The following ADGRG2 variants were observed in gnomAD, a reference collection of about 807,000 sequenced individuals.
The protein encoded by ADGRG2 is G protein-coupled receptor 64.
A neutral mutation model predicts 74.1 loss-of-function variants in ADGRG2; 26 were observed. That is an observed-to-expected ratio of 0.35 (90% CI 0.26 to 0.49). The LOEUF (loss-of-function observed/expected upper bound fraction) is 0.49, where lower values mean the gene tolerates loss of function less well. ADGRG2 is among the 20% of genes least tolerant of loss of function. The pLI is 0.99. For missense variants in ADGRG2, 619 were observed against 763.1 expected (o/e 0.81, Z 2.22); for synonymous variants, 296 against 295.2 (o/e 1.00, Z -0.03).
intron 1 of ADGRG2, among the ~76,000 whole-genome samples, chrX:19,083,170 ATTTTTTTTTT>A (rs58522004): frequency 4.8e-5 from 4 of 83,160 alleles, no homozygotes; most frequent in Admixed American, 1.4e-4. Flanking sequence ...CACCCGGCTA[ATTTTTTTTTT>A]TTTTTTTTTT....
chrX:19,022,248 G>A (rs1198408394), intron 13 of ADGRG2, among the ~76,000 whole-genome samples: 2 of 76,416 alleles, frequency 2.6e-5, no homozygotes, highest in Non-Finnish European at 4.8e-5. Flanking sequence ...CAGGGCAACA[G>A]AGTGAGACTC....
chrX:18,997,532 T>C (rs776771968), intron 26 of ADGRG2, among the ~76,000 whole-genome samples: 3 of 112,537 alleles, frequency 2.7e-5, no homozygotes, highest in Non-Finnish European at 5.6e-5. Flanking sequence ...AATAAAACTT[T>C]TCTTAAGACC....
chrX:19,044,588 C>T (rs1463434867), intron 3 of ADGRG2, among the ~76,000 whole-genome samples: 3 of 111,321 alleles, frequency 2.7e-5, no homozygotes, highest in Non-Finnish European at 3.8e-5. Context: ...TGCAAGGAAC[C>T]GCCCTTCAAG....
At chrX:19,081,180 A>G (rs976256604) in intron 2 of ADGRG2, among the ~76,000 whole-genome samples, 25 of 111,365 alleles carry the variant, frequency 2.2e-4, no homozygotes, top group Non-Finnish European at 4.5e-4. Flanking sequence ...AAACAAAAAC[A>G]AGGAAGCAGA....
chrX:18,993,516 TA>T (rs780727929), intron 28 of ADGRG2, among the ~76,000 whole-genome samples: 254 of 93,140 alleles, frequency 2.7e-3, no homozygotes, highest in Admixed American at 3.1e-3. Flanking sequence ...GACTGCATCT[TA>T]AAAAAAAAAA....
intron 28 of ADGRG2, among the ~76,000 whole-genome samples, chrX:18,991,871 T>C (rs1472077581): frequency 8.9e-6 from 1 of 112,290 alleles, no homozygotes; most frequent in Non-Finnish European, 1.9e-5. Context: ...ACAATGATCA[T>C]AACAGTACTG....
In ADGRG2 at chrX:19,013,830, G is replaced by A. The variant is rs1250500917; in HGVS notation, c.955C>T (p.Pro319Ser). Residue 319 changes from proline (P) to serine (S), a missense_variant, in exon 16 of 29, where the codon CCC becomes TCC. Physicochemically the swap from Pro to Ser is moderately conservative, Grantham distance 74 (BLOSUM62 -1). Transcript: ENST00000379869. ...PIASSPAIDM[P>S]PQSETISSPM... ...GAAGAGATCGTTTCAGACTGTGGGG[G>A]CATGTCAATGGCAGGGCTGGAAGCT... 2 of 1,205,630 alleles carry A rather than the reference G, an allele frequency of 1.7e-6. No homozygotes were observed. Among genetic ancestry groups the A allele is most frequent in the South Asian group, 3.6e-5 (2 of 55,743 alleles).
At chrX:19,016,686 C>T (rs1654413543) in intron 15 of ADGRG2, among the ~76,000 whole-genome samples, 1 of 63,975 alleles carries the variant, frequency 1.6e-5, no homozygotes, top group Non-Finnish European at 2.7e-5. Context: ...CCAGTGCTAT[C>T]CCTCCCCCCT....
At chrX:19,006,753 A>ATT (rs35276629) in intron 20 of ADGRG2, among the ~76,000 whole-genome samples, 1,203 of 81,676 alleles carry the variant, frequency 0.015, 42 homozygotes, top group African/African-American at 0.057. Context: ...TAGGTGGTCA[A>ATT]TTTTTTTTTT....
At chrX:19,082,028 G>A (rs1042876055) in intron 2 of ADGRG2, among the ~76,000 whole-genome samples, 2 of 96,041 alleles carry the variant, frequency 2.1e-5, no homozygotes, top group African/African-American at 4.1e-5. Flanking sequence ...AGCTGTGACT[G>A]CGCCACTGCG....
At chrX:19,064,885 C>T (rs2061541582) in intron 3 of ADGRG2, among the ~76,000 whole-genome samples, 2 of 111,240 alleles carry the variant, frequency 1.8e-5, no homozygotes, top group Non-Finnish European at 1.9e-5. Flanking sequence ...GTGCCTTTTT[C>T]AAGGGGTTAT....
chrX:18,999,990 A>ATT, intron 24 of ADGRG2, 30 bp from the exon 25 acceptor site: 1 of 754,895 alleles, frequency 1.3e-6, no homozygotes, highest in Non-Finnish European at 2.0e-6. Flanking sequence ...GGTCACACCT[A>ATT]ATTTTTTTTT....
chrX:19,068,763 G>T lies in ADGRG2; in HGVS notation c.72C>A (p.Phe24Leu). ...TEEVLLTFKIFLVIICLHVVL... is the reference protein window; with the variant it reads ...TEEVLLTFKILLVIICLHVVL... ...CGACATGAAGACAAATGATGACAAG[G>T]AATATCTTGAACGTCAGTAAAACTT... The change falls in exon 3 of 29, where the codon TTC (phenylalanine) becomes TTA (leucine). Residue 24 changes from phenylalanine (F) to leucine (L), a missense_variant. Phe to Leu is a conservative substitution (Grantham distance 22). Transcript: ENST00000379869. 1 of 1,152,614 alleles carries T rather than the reference G, an allele frequency of 8.7e-7. No homozygotes were observed. The highest frequency in any genetic ancestry group is 1.2e-6 in the Non-Finnish European group (1 of 846,290). The allele number at this position is 1,152,614 out of a possible 1,213,427, so 95.0% of individuals were successfully genotyped here.
chrX:19,019,110 G>T (rs148629581), intron 15 of ADGRG2, among the ~76,000 whole-genome samples: 2,225 of 112,306 alleles, frequency 0.02, 63 homozygotes, highest in African/African-American at 0.068. Context: ...CTCCCAAAGT[G>T]CTGGGATTAC....
chrX:18,992,126 A>G (rs747736718), intron 28 of ADGRG2, among the ~76,000 whole-genome samples: 2 of 111,868 alleles, frequency 1.8e-5, no homozygotes, highest in Admixed American at 1.9e-4. Flanking sequence ...TGTAATATTC[A>G]TGCAAACTAG....
At chrX:19,003,214 G>T in intron 23 of ADGRG2, 100 bp from the exon 24 acceptor site, 1 of 585,463 alleles carries the variant, frequency 1.7e-6, no homozygotes. Context: ...ACCCAGGCTG[G>T]AGTGCAGTAG....
intron 2 of ADGRG2, among the ~76,000 whole-genome samples, chrX:19,079,987 C>T (rs981139799): frequency 2.8e-5 from 3 of 107,567 alleles, no homozygotes; most frequent in African/African-American, 1.0e-4. Context: ...CTCGGCTCAC[C>T]GCAACCTCCA....
intron 1 of ADGRG2, among the ~76,000 whole-genome samples, chrX:19,105,735 A>C (rs1361457738): frequency 1.8e-5 from 2 of 110,100 alleles, no homozygotes; most frequent in Non-Finnish European, 3.8e-5. Flanking sequence ...TAATAAAAAA[A>C]ATTTTTTTAA....
chrX:19,017,839 C>A (rs751870127), intron 15 of ADGRG2, among the ~76,000 whole-genome samples: 7 of 109,642 alleles, frequency 6.4e-5, no homozygotes, highest in Non-Finnish European at 9.5e-5. Context: ...ATAGAAAATG[C>A]TGCAAAGTAA....
Sources: allele counts gnomAD v4.1 joint callset (sites outside exome capture counted in the v4.1 genomes callset), GRCh38; gene constraint gnomAD v4.1.1; transcripts MANE v1.5; gene names NCBI Gene and HGNC (gene_info 2026-07-23, HGNC 2026-07-21).